The following MAPK4 variants were observed in gnomAD, a reference collection of about 807,000 sequenced individuals.
The protein encoded by MAPK4 is Erk3-related.
In MAPK4, 22 loss-of-function variants were observed where a neutral mutation model predicts 47.7. The observed-to-expected ratio is 0.46, with a 90% CI of 0.33 to 0.66. The LOEUF is 0.66. Ranked by LOEUF, MAPK4 falls within the 30% of genes least tolerant of loss-of-function variation. The probability of loss-of-function intolerance (pLI) is 0.02; values close to 1 mark genes in which losing one functional copy is unlikely to be tolerated. For missense variants in MAPK4, 736 were observed against 831.7 expected, an observed-to-expected ratio of 0.88 and a Z score of 1.42; for synonymous variants, 390 against 365.7, an observed-to-expected ratio of 1.07 and a Z score of -0.76.
intron 1 of MAPK4, among the ~76,000 whole-genome samples, chr18:50,625,846 G>T (rs1235520722): frequency 6.6e-6 from 1 of 151,456 alleles, no homozygotes; most frequent in Non-Finnish European, 1.5e-5. Flanking sequence ...TGGTGTATTA[G>T]GGTTCTCCAG....
At chr18:50,627,690 A>C (rs1320425055) in intron 1 of MAPK4, among the ~76,000 whole-genome samples, 1 of 152,226 alleles carries the variant, frequency 6.6e-6, no homozygotes, top group African/African-American at 2.4e-5. Context: ...GAGAGAGCAG[A>C]GGTGAGGCCC....
At chr18:50,560,080 G>T, upstream of MAPK4, 2 of 148,394 alleles carry the variant, frequency 1.3e-5, no homozygotes, top group South Asian at 3.6e-4. Context: ...GGGCCGGGGC[G>T]GGAGCCGGAG....
chr18:50,632,147 G>A (rs978655342), intron 1 of MAPK4, among the ~76,000 whole-genome samples: 1 of 152,144 alleles, frequency 6.6e-6, no homozygotes, highest in East Asian at 1.9e-4. Context: ...TCATGCCGTT[G>A]AGGGGAAAAG....
intron 1 of MAPK4, among the ~76,000 whole-genome samples, chr18:50,586,694 T>TG (rs1598799410): frequency 2.0e-5 from 3 of 152,264 alleles, no homozygotes; most frequent in East Asian, 3.9e-4. Flanking sequence ...GCCCTTTTTA[T>TG]GGATATATTT....
intron 1 of MAPK4, among the ~76,000 whole-genome samples, chr18:50,596,766 T>C (rs2042485315): frequency 6.6e-6 from 1 of 152,202 alleles, no homozygotes; most frequent in Non-Finnish European, 1.5e-5. Flanking sequence ...TCATTAGCCA[T>C]AGATTCTGTA....
intron 3 of MAPK4, among the ~76,000 whole-genome samples, chr18:50,717,036 G>A (rs1910676250): frequency 6.6e-6 from 1 of 152,086 alleles, no homozygotes; most frequent in South Asian, 2.1e-4. Flanking sequence ...GAGGCTGTTG[G>A]CACCTACGTC....
chr18:50,586,331 G>A (rs1041317334), intron 1 of MAPK4, among the ~76,000 whole-genome samples: 1 of 151,924 alleles, frequency 6.6e-6, no homozygotes, highest in Non-Finnish European at 1.5e-5. Flanking sequence ...TATTCTGAAA[G>A]AGACATCCTA....
At chr18:50,596,086 C>T (rs1006207059) in intron 1 of MAPK4, among the ~76,000 whole-genome samples, 6 of 152,114 alleles carry the variant, frequency 3.9e-5, no homozygotes, top group African/African-American at 1.2e-4. Flanking sequence ...TAGTACTCAG[C>T]GCTGGGAGCT....
chr18:50,621,428 G>A (rs762483630), intron 1 of MAPK4, among the ~76,000 whole-genome samples: 3 of 152,206 alleles, frequency 2.0e-5, no homozygotes, highest in Non-Finnish European at 4.4e-5. Context: ...TTAAATACAA[G>A]GGAGAAAAAT....
chr18:50,716,740 C>T (rs1910656363), intron 3 of MAPK4, among the ~76,000 whole-genome samples: 1 of 152,172 alleles, frequency 6.6e-6, no homozygotes, highest in South Asian at 2.1e-4. Flanking sequence ...CCTAACCATG[C>T]TGTCTTGGCC....
intron 1 of MAPK4, among the ~76,000 whole-genome samples, chr18:50,619,345 G>T (rs941152078): frequency 3.3e-5 from 5 of 152,040 alleles, no homozygotes; most frequent in Admixed American, 1.3e-4. Flanking sequence ...TAGAGACAAG[G>T]TCTTTGTTCC....
chr18:50,640,475 CT>C (rs1165127348), intron 1 of MAPK4, among the ~76,000 whole-genome samples: 5 of 148,702 alleles, frequency 3.4e-5, no homozygotes, highest in Non-Finnish European at 7.5e-5. Flanking sequence ...CTTTTCTTTT[CT>C]TTTTTTTGAC....
At position 50,681,074 on chromosome 18, in the gene MAPK4, C is replaced by CT. The variant is rs539402408; in HGVS notation, c.546+16582dup. ...CAATTTATCCACATCCTCACCAACA[C>CT]TTTTTTTTTTTTAAATTTTAGCCAT... On this transcript the variant is annotated intron_variant, in intron 2 of 5. Transcript: ENST00000400384. 3.8e-3 allele frequency among the ~76,000 whole-genome samples: 550 copies of CT among 146,434 alleles called. 10 individuals are homozygous for CT. Among genetic ancestry groups the CT allele is most frequent in the East Asian group, 0.035 (178 of 5,042 alleles).
At position 50,640,456 on chromosome 18, in the gene MAPK4, C is replaced by CTTTCT. The variant is rs527624695; in HGVS notation, c.-870-22614_-870-22610dup. On this transcript the variant is annotated intron_variant, in intron 1 of 5. Transcript: ENST00000400384. ...GATTGTGGCTATTTTCTTTTTTTAT[C>CTTTCT]TTTCTTTTCTTTTCTTTTCTTTTTT... 6.0e-5 allele frequency among the ~76,000 whole-genome samples: 9 copies of CTTTCT among 149,518 alleles called. No homozygotes were observed. In the East Asian group the frequency reaches 7.8e-4, roughly 13 times the overall value.
At chr18:50,688,144 G>A (rs141231813) in intron 2 of MAPK4, among the ~76,000 whole-genome samples, 81 of 152,280 alleles carry the variant, frequency 5.3e-4, no homozygotes, top group Non-Finnish European at 9.6e-4. Flanking sequence ...CAGTCTGGTG[G>A]GGGAGGCGGC....
chr18:50,577,312 C>T (rs1360154864), intron 1 of MAPK4, among the ~76,000 whole-genome samples: 1 of 152,180 alleles, frequency 6.6e-6, no homozygotes, highest in Non-Finnish European at 1.5e-5. Flanking sequence ...ATGTGTTACA[C>T]ATTTGTGCCC....
intron 2 of MAPK4, among the ~76,000 whole-genome samples, chr18:50,672,872 C>T (rs1437764635): frequency 6.6e-6 from 1 of 152,182 alleles, no homozygotes; most frequent in African/African-American, 2.4e-5. Context: ...GCAACTGGCC[C>T]AGCTATCTCA....
chr18:50,664,497 C>A lies in MAPK4; in HGVS notation c.539C>A (p.Ser180Tyr). 1 of 1,588,746 alleles carries A rather than the reference C, an allele frequency of 6.3e-7. No homozygotes were observed. Among genetic ancestry groups the A allele is most frequent in the South Asian group, 1.1e-5 (1 of 87,262 alleles). ...GCAAGGATCGTTGATCAGCATTACTCCCACAAGGTATGTCTGGCTGGAATG... is the reference window on the plus strand; with the variant it reads ...GCAAGGATCGTTGATCAGCATTACTACCACAAGGTATGTCTGGCTGGAATG... ...GLARIVDQHY[S>Y]HKGYLSEGLV... Residue 180 changes from serine to tyrosine, a missense_variant, in exon 2 of 6, where the codon TCC (serine) becomes TAC (tyrosine). Coordinates refer to ENST00000400384, the MANE Select transcript of MAPK4 (RefSeq NM_002747.4). The surrounding 1 kb of genome is among the most constrained non-coding windows in gnomAD (Gnocchi z 6.0).
At chr18:50,725,817 G>T in intron 4 of MAPK4, 145 bp from the exon 5 acceptor site, 1 of 703,582 alleles carries the variant, frequency 1.4e-6, no homozygotes, top group Non-Finnish European at 2.5e-6. Flanking sequence ...TTGTGACAAG[G>T]GTCTTGAGAA....
Sources: allele counts gnomAD v4.1 joint callset (sites outside exome capture counted in the v4.1 genomes callset), GRCh38; gene constraint gnomAD v4.1.1; non-coding constraint Gnocchi (gnomAD v3.1); transcripts MANE v1.5; gene names NCBI Gene and HGNC (gene_info 2026-07-23, HGNC 2026-07-21).